The following CFAP43 variants were observed in gnomAD, a reference collection of about 807,000 sequenced individuals.
CFAP43 encodes the protein cilia- and flagella-associated protein 43.
In CFAP43, 155 loss-of-function variants were observed where a neutral mutation model predicts 218.9. The ratio of observed to expected loss-of-function variants is 0.71; its 90% CI spans 0.62 to 0.81. The LOEUF is 0.81. Among genes scored for constraint, CFAP43 ranks in the 30% least tolerant of loss-of-function variants. The probability of loss-of-function intolerance (pLI) is 0.00; values close to 1 mark genes in which losing one functional copy is unlikely to be tolerated. For missense variants in CFAP43, 1,778 were observed against 1,954.3 expected (o/e 0.91, Z 1.70); for synonymous variants, 645 against 681.3 (o/e 0.95, Z 0.83).
chr10:104,199,780 G>C (rs2090477502), intron 8 of CFAP43, among the ~76,000 whole-genome samples: 2 of 139,140 alleles, frequency 1.4e-5, no homozygotes, highest in African/African-American at 5.4e-5. Context: ...TGACTGAGTG[G>C]TTAAGTTAAA....
intron 34 of CFAP43, among the ~76,000 whole-genome samples, chr10:104,135,829 CT>C (rs937489884): frequency 4.1e-4 from 60 of 147,716 alleles, no homozygotes; most frequent in African/African-American, 1.3e-3. Flanking sequence ...ATTTCAATGG[CT>C]TTTTTTTTTC....
Position 104,166,478 on chromosome 10 carries a change from A to G in CFAP43, c.3039+10T>C, listed in dbSNP as rs1214464632. On this transcript the variant is annotated intron_variant, in intron 23 of 37. Coordinates refer to ENST00000357060, the MANE Select transcript of CFAP43 (RefSeq NM_025145.7). Reference sequence around the variant, plus strand: ...AGAGATTTTTCAGGATAAAAAGAAAATTGACCCACTTTCAATAATATAATT... The same window carrying G: ...AGAGATTTTTCAGGATAAAAAGAAAGTTGACCCACTTTCAATAATATAATT... 1.2e-6 allele frequency: 2 copies of G among 1,602,964 alleles called. No individual in the cohort carries two copies. The highest frequency in any genetic ancestry group is 2.2e-5 in the East Asian group (1 of 44,756).
intron 3 of CFAP43, chr10:104,218,918 G>T: frequency 2.1e-6 from 1 of 471,082 alleles, no homozygotes. Flanking sequence ...TGACCCCGAG[G>T]AGCCACCACA....
At chr10:104,181,649 T>C (rs2089848903) in intron 17 of CFAP43, among the ~76,000 whole-genome samples, 1 of 152,198 alleles carries the variant, frequency 6.6e-6, no homozygotes, top group Admixed American at 6.5e-5. Flanking sequence ...GCACAGGTCT[T>C]TTTTAGGTCC....
chr10:104,195,709 T>G (rs2090363675), intron 10 of CFAP43, among the ~76,000 whole-genome samples: 1 of 152,350 alleles, frequency 6.6e-6, no homozygotes, highest in South Asian at 2.1e-4. Context: ...AAGAAAGCAT[T>G]ACCGTTGTTT....
intron 31 of CFAP43, 70 bp from the exon 32 acceptor site, chr10:104,143,709 C>T: frequency 3.4e-6 from 5 of 1,455,542 alleles, no homozygotes; most frequent in Non-Finnish European, 4.8e-6. Context: ...AACAATTAGG[C>T]CCTTAGCACA....
chr10:104,192,353 A>C, intron 11 of CFAP43, 51 bp from the exon 12 acceptor site: 2 of 1,369,818 alleles, frequency 1.5e-6, no homozygotes, highest in Non-Finnish European at 2.1e-6. Context: ...CACCAGCTAG[A>C]TGGTGAACAA....
intron 23 of CFAP43, among the ~76,000 whole-genome samples, chr10:104,165,200 G>A (rs894348006): frequency 2.0e-5 from 3 of 152,174 alleles, no homozygotes; most frequent in African/African-American, 7.2e-5. Flanking sequence ...CAACTGGATT[G>A]CCCCCACTCC....
Position 104,164,423 on chromosome 10 carries a change from A to C in CFAP43, c.3040-123T>G, listed in dbSNP as rs1166201819. ...AATTTTTTTTTTTTTTTTGAGATGC[A>C]GTCTCGCTTTGTTGTCCAGGCTGGA... On this transcript the variant is annotated intron_variant, in intron 23 of 37. Transcript: ENST00000357060. The C allele has an allele frequency of 9.7e-6, 7 of 718,324 alleles. No individual in the cohort carries two copies. In the Admixed American group the frequency reaches 1.5e-4, roughly 15 times the overall value. The allele number at this position is 718,324 out of a possible 1,614,324, so 44.5% of individuals were successfully genotyped here.
intron 20 of CFAP43, among the ~76,000 whole-genome samples, chr10:104,170,566 G>A (rs922886581): frequency 3.9e-5 from 6 of 152,114 alleles, no homozygotes; most frequent in African/African-American, 1.4e-4. Context: ...TTCCGAGCCT[G>A]AGCCAAACCA....
intron 22 of CFAP43, among the ~76,000 whole-genome samples, chr10:104,167,218 T>C (rs377300578): frequency 4.6e-5 from 7 of 152,314 alleles, no homozygotes; most frequent in South Asian, 2.1e-4. Context: ...GCTTAAAAAG[T>C]TGGGATTTAG....
At position 104,143,796 on chromosome 10, in the gene CFAP43, C is replaced by T. The variant is rs1238823873; in HGVS notation, c.3945-157G>A. On this transcript the variant is annotated intron_variant, in intron 31 of 37. Coordinates refer to ENST00000357060, the MANE Select transcript of CFAP43 (RefSeq NM_025145.7). ...GGGTTATTCCACAGATAAAGGGATC[C>T]ACTTTGCCCTTCTTCCATACTCTCC... 2.0e-5 allele frequency among the ~76,000 whole-genome samples: 3 copies of T among 152,316 alleles called. No individual in the cohort carries two copies. In the East Asian group the frequency reaches 5.8e-4, roughly 29 times the overall value.
chr10:104,140,118 T>C (rs1401232795), intron 34 of CFAP43, among the ~76,000 whole-genome samples: 2 of 151,098 alleles, frequency 1.3e-5, no homozygotes, highest in Admixed American at 6.5e-5. Context: ...ATAAAGCTTA[T>C]AGGGAATATT....
Position 104,182,377 on chromosome 10 carries a change from A to G in CFAP43, c.2278T>C (p.Ser760Pro). ...PKVSVDLGSD[S>P]EHTKQKASTD... ...TATAGGAACTCAACTGTGTGTTCAGAATCGGATCCCAAATCTACGGAAACT... is the reference window on the plus strand; with the variant it reads ...TATAGGAACTCAACTGTGTGTTCAGGATCGGATCCCAAATCTACGGAAACT... The change falls in exon 17 of 38, where the codon TCT becomes CCT. Residue 760 changes from serine (S) to proline (P), a missense_variant. Ser to Pro is a moderately conservative substitution (Grantham distance 74, BLOSUM62 -1). Transcript: ENST00000357060. The G allele has an allele frequency of 6.2e-7, 1 of 1,606,228 alleles. No homozygotes were observed. Among genetic ancestry groups the G allele is most frequent in the Non-Finnish European group, 8.5e-7 (1 of 1,177,640 alleles).
chr10:104,230,507 T>C, intron 2 of CFAP43, 83 bp downstream of exon 2: 1 of 1,503,782 alleles, frequency 6.6e-7, no homozygotes, highest in Non-Finnish European at 8.9e-7. Flanking sequence ...TTTCAAAAAA[T>C]AAATCTTCAC....
intron 2 of CFAP43, 149 bp from the exon 3 acceptor site, chr10:104,225,706 CT>C: frequency 1.5e-6 from 1 of 661,278 alleles, no homozygotes; most frequent in South Asian, 2.3e-5. Context: ...TGGCTAATTT[CT>C]AAGACCATGA....
intron 1 of CFAP43, among the ~76,000 whole-genome samples, 179 bp downstream of exon 1, chr10:104,232,003 G>A (rs2091462082): frequency 6.6e-6 from 1 of 151,928 alleles, no homozygotes; most frequent in Non-Finnish European, 1.5e-5. Context: ...GGGATGGGGA[G>A]CGGACAGGGG....
At chr10:104,131,005 A>G (rs915400839) in intron 37 of CFAP43, among the ~76,000 whole-genome samples, 1 of 145,296 alleles carries the variant, frequency 6.9e-6, no homozygotes, top group African/African-American at 2.8e-5. Context: ...TCTCAAAAAA[A>G]AAAAAAAAAA....
At chr10:104,190,972 A>G (rs933118883) in intron 12 of CFAP43, among the ~76,000 whole-genome samples, 10 of 152,342 alleles carry the variant, frequency 6.6e-5, no homozygotes, top group Middle Eastern at 3.4e-3. Flanking sequence ...TAAGAATTCA[A>G]TGGGTGGAGA....
Sources: gnomAD v4.1 joint callset for allele counts (sites outside exome capture counted in the v4.1 genomes callset) on GRCh38, gnomAD v4.1.1 for gene constraint, MANE v1.5 for transcripts, NCBI Gene and HGNC (gene_info 2026-07-23, HGNC 2026-07-21) for gene names.